CACNA2D3: variants seen among roughly 807,000 people sequenced by gnomAD.
CACNA2D3 encodes the protein calcium voltage-gated channel auxiliary subunit alpha2delta 3.
Under a neutral mutation model 160.6 loss-of-function variants are expected in CACNA2D3, and 60 were observed. The observed-to-expected ratio is 0.37, with a 90% CI of 0.30 to 0.46. The LOEUF is 0.46. Among genes scored for constraint, CACNA2D3 ranks in the 20% least tolerant of loss-of-function variants. CACNA2D3 has a pLI of 1.00. For synonymous variants in CACNA2D3, 558 were observed against 492.9 expected, an observed-to-expected ratio of 1.13 and a Z score of -1.75; for missense variants, 1,205 against 1,365.0, an observed-to-expected ratio of 0.88 and a Z score of 1.85.
At chr3:54,693,843 T>C (rs983055576) in intron 11 of CACNA2D3, among the ~76,000 whole-genome samples, 1 of 152,000 alleles carries the variant, frequency 6.6e-6, no homozygotes, top group Admixed American at 6.6e-5. Context: ...AATAAAGATA[T>C]AAAGAAAATA....
intron 3 of CACNA2D3, among the ~76,000 whole-genome samples, chr3:54,375,456 G>A (rs1182285426): frequency 6.6e-6 from 1 of 152,070 alleles, no homozygotes; most frequent in Non-Finnish European, 1.5e-5. Flanking sequence ...TGGGGTGGGG[G>A]TGACATCCTT....
At chr3:54,632,381 TC>T (rs1377889636) in intron 10 of CACNA2D3, 1 of 152,236 alleles carries the variant, frequency 6.6e-6, no homozygotes, top group East Asian at 1.9e-4. Context: ...TCTGTTTTTT[TC>T]CCCTTGAAGC....
intron 4 of CACNA2D3, among the ~76,000 whole-genome samples, chr3:54,453,618 C>T (rs1700347182): frequency 6.6e-6 from 1 of 152,174 alleles, no homozygotes; most frequent in Admixed American, 6.5e-5. Context: ...GTTCAGATTT[C>T]AGGCAGGGCC....
chr3:54,908,930 C>G (rs1311348865), intron 27 of CACNA2D3, among the ~76,000 whole-genome samples: 3 of 152,140 alleles, frequency 2.0e-5, no homozygotes, highest in African/African-American at 7.2e-5. Flanking sequence ...TTGCCAAACC[C>G]AACTTCACAT....
Position 54,976,711 on chromosome 3 carries a change from C to T in CACNA2D3, c.2556+6867C>T, listed in dbSNP as rs574110640. On this transcript the variant is annotated intron_variant, in intron 29 of 37. Transcript: ENST00000474759. Reference sequence around the variant, plus strand: ...TTCATCTGGTATTCTCCCAAGGAGGCCACTCCCCTATTTTTGCAGCTTGGT... The same window carrying T: ...TTCATCTGGTATTCTCCCAAGGAGGTCACTCCCCTATTTTTGCAGCTTGGT... Among the ~76,000 whole-genome samples, 5 of 152,270 alleles carry T rather than the reference C, an allele frequency of 3.3e-5. No homozygotes were observed. In the East Asian group the frequency reaches 9.7e-4, roughly 29 times the overall value.
chr3:54,545,795 C>G (rs1319670092), intron 5 of CACNA2D3, among the ~76,000 whole-genome samples: 1 of 152,176 alleles, frequency 6.6e-6, no homozygotes, highest in Non-Finnish European at 1.5e-5. Flanking sequence ...TGTGACAATA[C>G]TGGAAACTTG....
rs542997435 is a variant in CACNA2D3 at position 54,215,614 on chromosome 3, C to T, written c.204+92020C>T. 9.2e-5 allele frequency among the ~76,000 whole-genome samples: 14 copies of T among 152,234 alleles called. No homozygotes were observed. In the East Asian group the frequency reaches 2.7e-3, roughly 29 times the overall value. ...GGAAATGTTCTCTTTTCCAAGTGAACGGCGATGTGAGGGTGGGAGGTGGGG... is the reference window on the plus strand; with the variant it reads ...GGAAATGTTCTCTTTTCCAAGTGAATGGCGATGTGAGGGTGGGAGGTGGGG... On this transcript the variant is annotated intron_variant, in intron 2 of 37. Transcript: ENST00000474759.
chr3:55,074,264 G>T lies in CACNA2D3; in HGVS notation c.*58G>T. ...TGTTCTCTTGGCATGCTAAATCATG[G>T]ATAAACTGTGAACCAAAATATGGTG... On this transcript the variant is annotated 3_prime_UTR_variant, in exon 38 of 38. Coordinates refer to ENST00000474759, the MANE Select transcript of CACNA2D3 (RefSeq NM_018398.3). The T allele has an allele frequency of 7.1e-7, 1 of 1,401,082 alleles. No homozygotes were observed. The highest frequency in any genetic ancestry group is 1.0e-6 in the Non-Finnish European group (1 of 985,670). 86.8% of individuals were successfully genotyped at this position (1,401,082 alleles called of 1,614,324 possible). A position where few individuals can be genotyped will look rare whatever the true frequency, so the allele number is the denominator to read the frequency against.
At chr3:54,506,800 A>T (rs531821828) in intron 5 of CACNA2D3, among the ~76,000 whole-genome samples, 1 of 152,296 alleles carries the variant, frequency 6.6e-6, no homozygotes, top group Admixed American at 6.5e-5. Flanking sequence ...GACTTTGAAG[A>T]TGAATGGCTG....
chr3:54,831,377 CAG>C (rs1703874646), intron 14 of CACNA2D3, among the ~76,000 whole-genome samples: 2 of 152,234 alleles, frequency 1.3e-5, no homozygotes, highest in South Asian at 4.1e-4. Context: ...GCAGGAGAAA[CAG>C]AGGCTTCTGC....
chr3:54,834,539 T>G (rs1483733206), intron 14 of CACNA2D3, among the ~76,000 whole-genome samples: 2 of 152,234 alleles, frequency 1.3e-5, no homozygotes, highest in Non-Finnish European at 2.9e-5. Flanking sequence ...ATATACTGGT[T>G]GACTTGGTTC....
intron 3 of CACNA2D3, among the ~76,000 whole-genome samples, chr3:54,332,788 A>G (rs1704294094): frequency 6.6e-6 from 1 of 152,142 alleles, no homozygotes; most frequent in Admixed American, 6.5e-5. Context: ...CACCTGCCCC[A>G]TCTTTCCTTG....
intron 11 of CACNA2D3, among the ~76,000 whole-genome samples, chr3:54,648,538 T>C (rs1559538708): frequency 6.6e-6 from 1 of 152,238 alleles, no homozygotes; most frequent in African/African-American, 2.4e-5. Context: ...ATTTCATGGC[T>C]CTGCTGAATT....
At position 54,656,599 on chromosome 3, in the gene CACNA2D3, C is replaced by G. The variant is rs1408436481; in HGVS notation, c.1167+14358C>G. 3.3e-5 allele frequency among the ~76,000 whole-genome samples: 5 copies of G among 152,352 alleles called. No individual in the cohort carries two copies. The East Asian group carries it at 5.8e-4, about 18-fold the overall frequency. ...GAGAAGAGAGCAGGGCAGCCTCTCCCAGCTAGGAAAAGTGCCCAGTGTGCA... is the reference window on the plus strand; with the variant it reads ...GAGAAGAGAGCAGGGCAGCCTCTCCGAGCTAGGAAAAGTGCCCAGTGTGCA... On this transcript the variant is annotated intron_variant, in intron 11 of 37. Coordinates refer to ENST00000474759, the MANE Select transcript of CACNA2D3 (RefSeq NM_018398.3).
intron 3 of CACNA2D3, among the ~76,000 whole-genome samples, chr3:54,330,061 G>A (rs769057661): frequency 7.2e-5 from 11 of 152,156 alleles, no homozygotes; most frequent in African/African-American, 1.9e-4. Flanking sequence ...CAGCCCTTGC[G>A]AGTAATCAGA....
chr3:54,851,029 C>T (rs576737101), intron 17 of CACNA2D3, among the ~76,000 whole-genome samples: 1 of 152,358 alleles, frequency 6.6e-6, no homozygotes, highest in East Asian at 1.9e-4. Flanking sequence ...ATAACTCAAA[C>T]TCTAATAGGA....
chr3:54,770,039 T>C (rs1393185286), intron 13 of CACNA2D3, among the ~76,000 whole-genome samples: 1 of 152,124 alleles, frequency 6.6e-6, no homozygotes, highest in African/African-American at 2.4e-5. Context: ...GAAAGGGAAA[T>C]ACGGTAGCAG....
At chr3:54,624,834 G>A (rs182529791) in intron 9 of CACNA2D3, among the ~76,000 whole-genome samples, 6 of 152,350 alleles carry the variant, frequency 3.9e-5, no homozygotes, top group African/African-American at 1.2e-4. Context: ...GTGGGTGCAG[G>A]AGGGTGTGGG....
intron 2 of CACNA2D3, among the ~76,000 whole-genome samples, chr3:54,284,606 C>T (rs891625540): frequency 3.9e-4 from 59 of 152,202 alleles, no homozygotes; most frequent in African/African-American, 1.4e-3. Context: ...ATACTCTGAA[C>T]AGTAAACATC....
Sources: allele counts gnomAD v4.1 joint callset (sites outside exome capture counted in the v4.1 genomes callset), GRCh38; gene constraint gnomAD v4.1.1; transcripts MANE v1.5; gene names NCBI Gene and HGNC (gene_info 2026-07-23, HGNC 2026-07-21).